The following TEAD3 variants were observed in gnomAD, a reference collection of about 807,000 sequenced individuals.
TEAD3 encodes transcriptional enhancer factor TEF-5.
Under a neutral mutation model 55.6 loss-of-function variants are expected in TEAD3, and 15 were observed. That is an observed-to-expected ratio of 0.27 (90% CI 0.18 to 0.42). The LOEUF is 0.42. TEAD3 is among the 10% of genes least tolerant of loss of function. The pLI is 1.00. For missense variants in TEAD3, 407 were observed against 576.8 expected, an observed-to-expected ratio of 0.71 and a Z score of 3.01; for synonymous variants, 210 against 232.2, an observed-to-expected ratio of 0.90 and a Z score of 0.87.
intron 3 of TEAD3, among the ~76,000 whole-genome samples, chr6:35,480,962 C>T (rs759737524): frequency 7.2e-5 from 11 of 152,152 alleles, no homozygotes; most frequent in Middle Eastern, 6.3e-3. Context: ...GCCACATCCT[C>T]TACCAGGGAT....
intron 1 of TEAD3, among the ~76,000 whole-genome samples, chr6:35,492,985 T>C (rs191224935): frequency 6.1e-4 from 93 of 152,176 alleles, no homozygotes; most frequent in African/African-American, 2.2e-3. Flanking sequence ...TCAGTTACCA[T>C]GCCAGACTCC....
At chr6:35,478,309 G>A (rs938564742) in exon 7 of TEAD3, 29 of 1,613,728 alleles carry the variant, frequency 1.8e-5, no homozygotes, top group Non-Finnish European at 2.5e-5. Context: ...CCCAGGAGAG[G>A]GGGGCTGCTC....
At chr6:35,479,229 T>C in intron 5 of TEAD3, 76 bp downstream of exon 5, 1 of 1,575,372 alleles carries the variant, frequency 6.3e-7, no homozygotes, top group South Asian at 1.1e-5. Context: ...GGTTTCATAA[T>C]CTGTCATTTG....
chr6:35,486,018 A>G lies in TEAD3; in HGVS notation c.202+443T>C, dbSNP rs1000060015. 6.6e-6 allele frequency among the ~76,000 whole-genome samples: 1 copy of G among 152,178 alleles called. No individual in the cohort carries two copies. The highest frequency in any genetic ancestry group is 2.4e-5 in the African/African-American group (1 of 41,456). ...GAGGGAACGCGTCCCCACAGCCCCA[A>G]CGCAGGCCTTTGTCCCCGTGCGACC... On this transcript the variant is annotated intron_variant, in intron 2 of 12. Transcript: ENST00000639578. This position sits in a 1 kb window ranked among gnomAD's most constrained non-coding sequence, Gnocchi z 7.3.
At position 35,486,960 on chromosome 6, in the gene TEAD3, G is replaced by A. The variant is rs964116131; in HGVS notation, c.-49-249C>T. Among the ~76,000 whole-genome samples, 12 of 152,196 alleles carry A rather than the reference G, an allele frequency of 7.9e-5. No individual in the cohort carries two copies. Among genetic ancestry groups the A allele is most frequent in the African/African-American group, 2.9e-4 (12 of 41,454 alleles). On this transcript the variant is annotated intron_variant, in intron 1 of 12. Coordinates refer to ENST00000639578, the Ensembl canonical transcript of TEAD3. This position sits in a 1 kb window ranked among gnomAD's most constrained non-coding sequence, Gnocchi z 7.3. ...TAAAACGAGAAAAGGGTCTCCTTGAGGAGACCTCCTTGAGGTTGTGAGGGT... is the reference window on the plus strand; with the variant it reads ...TAAAACGAGAAAAGGGTCTCCTTGAAGAGACCTCCTTGAGGTTGTGAGGGT...
At chr6:35,489,382 A>G (rs986454130) in intron 1 of TEAD3, among the ~76,000 whole-genome samples, 1 of 152,170 alleles carries the variant, frequency 6.6e-6, no homozygotes, top group Non-Finnish European at 1.5e-5. Flanking sequence ...TATAACCAGG[A>G]AGGTTATAGG....
chr6:35,486,254 G>T lies in TEAD3; in HGVS notation c.202+207C>A, dbSNP rs1378371321. ...GAGGAGAGGAGGAGCAGGCGGGGGT[G>T]CCAAGGTGTGGGCTGCGCCCTGGTT... is the stretch of plus-strand genomic sequence containing the variant. On this transcript the variant is annotated intron_variant, in intron 2 of 12. Transcript: ENST00000639578. The surrounding 1 kb of genome is among the most constrained non-coding windows in gnomAD (Gnocchi z 7.3). Among the ~76,000 whole-genome samples the T allele has an allele frequency of 6.6e-6, 1 of 152,214 alleles. No individual in the cohort carries two copies. Among genetic ancestry groups the T allele is most frequent in the Non-Finnish European group, 1.5e-5 (1 of 68,020 alleles).
chr6:35,482,607 C>A (rs1223987934), intron 3 of TEAD3, among the ~76,000 whole-genome samples: 1 of 152,160 alleles, frequency 6.6e-6, no homozygotes, highest in Non-Finnish European at 1.5e-5. Context: ...CCACCCTGGC[C>A]TCAGTTCAAA....
rs572066723 is a variant in TEAD3, at chr6:35,488,763, G to A, written c.-49-2052C>T. On this transcript the variant is annotated intron_variant, in intron 1 of 12. Transcript: ENST00000639578. This position sits in a 1 kb window ranked among gnomAD's most constrained non-coding sequence, Gnocchi z 4.2. ...TTTTTAGACGGAGTCTTGCTCTGTCGCCCAGGCTAGAGTGCAATGGCGCGA... is the reference window on the plus strand; with the variant it reads ...TTTTTAGACGGAGTCTTGCTCTGTCACCCAGGCTAGAGTGCAATGGCGCGA... 2.0e-5 allele frequency among the ~76,000 whole-genome samples: 3 copies of A among 151,824 alleles called. No individual in the cohort carries two copies. Among genetic ancestry groups the A allele is most frequent in the East Asian group, 1.9e-4 (1 of 5,170 alleles).
rs1768303242 is a variant in TEAD3, at chr6:35,483,495, T to C, written c.267+1065A>G. Among the ~76,000 whole-genome samples, 1 of 152,208 alleles carries C rather than the reference T, an allele frequency of 6.6e-6. No homozygotes were observed. The highest frequency in any genetic ancestry group is 1.5e-5 in the Non-Finnish European group (1 of 68,016). On this transcript the variant is annotated intron_variant, in intron 3 of 12. Coordinates refer to ENST00000639578, the Ensembl canonical transcript of TEAD3. The surrounding 1 kb of genome is among the most constrained non-coding windows in gnomAD (Gnocchi z 4.5). ...CCACCTTCCCTGGATCAGAAGCCAC[T>C]AACTGTCTCTTACATCATCATTTTT...
In TEAD3 at chr6:35,488,359, C is replaced by T. The variant is rs963642248; in HGVS notation, c.-49-1648G>A. 6.6e-6 allele frequency among the ~76,000 whole-genome samples: 1 copy of T among 152,148 alleles called. No individual in the cohort carries two copies. On this transcript the variant is annotated intron_variant, in intron 1 of 12. Coordinates refer to ENST00000639578, the Ensembl canonical transcript of TEAD3. The surrounding 1 kb of genome is among the most constrained non-coding windows in gnomAD (Gnocchi z 4.2). ...CCAGGCTATTAATTTGGACCACACCCCACCAGGCCCCCTATCACTCACAAC... is the reference window on the plus strand; with the variant it reads ...CCAGGCTATTAATTTGGACCACACCTCACCAGGCCCCCTATCACTCACAAC...
intron 1 of TEAD3, among the ~76,000 whole-genome samples, chr6:35,493,497 C>T (rs544196518): frequency 1.1e-4 from 16 of 152,282 alleles, no homozygotes; most frequent in African/African-American, 2.9e-4. Flanking sequence ...CTCTCACATA[C>T]GGTGTCGCTT....
In TEAD3 at chr6:35,486,509, G is replaced by A; in HGVS notation, c.154C>T (p.Pro52Ser). 1.2e-6 allele frequency: 2 copies of A among 1,613,586 alleles called. No individual in the cohort carries two copies. The highest frequency in any genetic ancestry group is 1.7e-6 in the Non-Finnish European group (2 of 1,179,770). The change falls in exon 2 of 13, where the codon CCC becomes TCC. Residue 52 changes from proline (P) to serine (S), a missense_variant. By Grantham distance (74) the Pro-to-Ser change is moderately conservative (BLOSUM62 -1). Coordinates refer to ENST00000639578, the Ensembl canonical transcript of TEAD3. The surrounding 1 kb of genome is among the most constrained non-coding windows in gnomAD (Gnocchi z 7.3). ...AGGATGATCTTCCGCCGGCCGCAGG[G>A]CGGGTAGATGGCCAGGGCCTCCTGG...
Position 35,488,913 on chromosome 6 carries a change from A to G in TEAD3, c.-49-2202T>C, listed in dbSNP as rs567457145. Among the ~76,000 whole-genome samples, 13 of 151,898 alleles carry G rather than the reference A, an allele frequency of 8.6e-5. No homozygotes were observed. Among genetic ancestry groups the G allele is most frequent in the Non-Finnish European group, 1.3e-4 (9 of 67,930 alleles). ...GCTGGGATTACAGGCGCATGCCACCATGCCCAGATAATTTTTTGTATTTTT... is the reference window on the plus strand; with the variant it reads ...GCTGGGATTACAGGCGCATGCCACCGTGCCCAGATAATTTTTTGTATTTTT... On this transcript the variant is annotated intron_variant, in intron 1 of 12. Coordinates refer to ENST00000639578, the Ensembl canonical transcript of TEAD3. This position sits in a 1 kb window ranked among gnomAD's most constrained non-coding sequence, Gnocchi z 4.2.
At chr6:35,476,318 T>G (rs775928287) in exon 9 of TEAD3, 3 of 1,612,224 alleles carry the variant, frequency 1.9e-6, no homozygotes, top group East Asian at 2.2e-5. Context: ...AGGGTCTCGC[T>G]GCACCTCCAT....
chr6:35,488,098 G>T lies in TEAD3; in HGVS notation c.-49-1387C>A, dbSNP rs987519077. 2.6e-5 allele frequency among the ~76,000 whole-genome samples: 4 copies of T among 152,224 alleles called. No individual in the cohort carries two copies. Among genetic ancestry groups the T allele is most frequent in the African/African-American group, 9.7e-5 (4 of 41,450 alleles). On this transcript the variant is annotated intron_variant, in intron 1 of 12. Transcript: ENST00000639578. This position sits in a 1 kb window ranked among gnomAD's most constrained non-coding sequence, Gnocchi z 4.2. ...TAACTAACCAGAACTCTGCCAAGGGGCCTAATGTAGGGCAGGAACTGCCCC... is the reference window on the plus strand; with the variant it reads ...TAACTAACCAGAACTCTGCCAAGGGTCCTAATGTAGGGCAGGAACTGCCCC...
intron 5 of TEAD3, among the ~76,000 whole-genome samples, chr6:35,478,877 CTTTTTTTT>C (rs67071124): frequency 6.6e-5 from 7 of 106,756 alleles, no homozygotes; most frequent in South Asian, 2.9e-4. Flanking sequence ...CTCCTATTTT[CTTTTTTTT>C]TTTTTTTTTT....
intron 1 of TEAD3, among the ~76,000 whole-genome samples, chr6:35,493,516 T>C (rs1768577486): frequency 6.6e-6 from 1 of 152,096 alleles, no homozygotes; most frequent in Admixed American, 6.6e-5. Context: ...TTTCTGGTGC[T>C]CAGTGTCACC....
At chr6:35,487,823 A>G (rs890913843) in intron 1 of TEAD3, among the ~76,000 whole-genome samples, 4 of 152,242 alleles carry the variant, frequency 2.6e-5, no homozygotes, top group African/African-American at 9.6e-5. Flanking sequence ...CAGAGATGAA[A>G]ACTAAGGCTC....
Sources: allele counts gnomAD v4.1 joint callset (sites outside exome capture counted in the v4.1 genomes callset), GRCh38; gene constraint gnomAD v4.1.1; non-coding constraint Gnocchi (gnomAD v3.1); transcripts MANE v1.5; gene names NCBI Gene and HGNC (gene_info 2026-07-23, HGNC 2026-07-21).